THAP4: variants seen among roughly 807,000 people sequenced by gnomAD.
THAP4 encodes peroxynitrite isomerase THAP4.
In THAP4, 18 loss-of-function variants were observed where a neutral mutation model predicts 48.1. The observed-to-expected ratio is 0.37, with a 90% CI of 0.26 to 0.56. The LOEUF (loss-of-function observed/expected upper bound fraction) is 0.56, where lower values mean the gene tolerates loss of function less well. Ranked by LOEUF, THAP4 falls within the 20% of genes least tolerant of loss-of-function variation. The pLI is 0.78. For synonymous variants in THAP4, 345 were observed against 324.9 expected, an observed-to-expected ratio of 1.06 and a Z score of -0.66; for missense variants, 656 against 774.9, an observed-to-expected ratio of 0.85 and a Z score of 1.82.
At chr2:241,597,244 C>T (rs1295627632) in intron 5 of THAP4, among the ~76,000 whole-genome samples, 1 of 152,182 alleles carries the variant, frequency 6.6e-6, no homozygotes, top group African/African-American at 2.4e-5. Flanking sequence ...AGCGATTCTC[C>T]TGCTTCAGGC....
At chr2:241,605,573 G>T (rs1339039918) in intron 3 of THAP4, among the ~76,000 whole-genome samples, 1 of 152,090 alleles carries the variant, frequency 6.6e-6, no homozygotes, top group Non-Finnish European at 1.5e-5. Context: ...GGATACTGAG[G>T]GACCTCAAGG....
In THAP4 at chr2:241,601,669, C is replaced by A; in HGVS notation, c.1614+227G>T. On this transcript the variant is annotated intron_variant, in intron 5 of 5. Coordinates refer to ENST00000407315, the MANE Select transcript of THAP4 (RefSeq NM_015963.6). The surrounding 1 kb of genome is among the most constrained non-coding windows in gnomAD (Gnocchi z 4.0). Reference sequence around the variant, plus strand: ...AATGCAAAAGGATGTTTGTGACAAACAACAAACCTCAAAAAAACCACACCA... The same window carrying A: ...AATGCAAAAGGATGTTTGTGACAAAAAACAAACCTCAAAAAAACCACACCA... 1 of 695,000 alleles carries A rather than the reference C, an allele frequency of 1.4e-6. No homozygotes were observed. Among genetic ancestry groups the A allele is most frequent in the South Asian group, 2.2e-5 (1 of 44,752 alleles). 43.1% of individuals were successfully genotyped at this position (695,000 alleles called of 1,614,324 possible).
At chr2:241,604,261 A>ATTTT (rs2067152779) in intron 3 of THAP4, among the ~76,000 whole-genome samples, 1 of 149,922 alleles carries the variant, frequency 6.7e-6, no homozygotes, top group African/African-American at 2.5e-5. Flanking sequence ...TTATTTATTT[A>ATTTT]TTTTTTGAGA....
chr2:241,592,094 G>A (rs1178087483), intron 5 of THAP4: 2 of 152,244 alleles, frequency 1.3e-5, no homozygotes, highest in Non-Finnish European at 2.9e-5. Context: ...GACGTGAAAA[G>A]ATGCTCAAGC....
chr2:241,624,847 G>C (rs970571002), intron 2 of THAP4, among the ~76,000 whole-genome samples: 3 of 152,178 alleles, frequency 2.0e-5, no homozygotes, highest in African/African-American at 4.8e-5. Flanking sequence ...GGGATTAGGA[G>C]CTCTGTATGA....
chr2:241,627,841 C>T (rs568166733), intron 2 of THAP4, among the ~76,000 whole-genome samples: 14 of 152,302 alleles, frequency 9.2e-5, no homozygotes, highest in Non-Finnish European at 2.9e-5. Flanking sequence ...GTGGCCTGGC[C>T]TCACCTTTGG....
rs1472826188 is a variant in THAP4, at chr2:241,584,735, A to G, written c.1615-10T>C. 21 of 1,614,066 alleles carry G rather than the reference A, an allele frequency of 1.3e-5. No homozygotes were observed. Among genetic ancestry groups the G allele is most frequent in the Non-Finnish European group, 1.7e-5 (20 of 1,180,034 alleles). On this transcript the variant is annotated splice_polypyrimidine_tract_variant and intron_variant, in intron 5 of 5. Transcript: ENST00000407315. ...TGAACTTCCGGGTGATCTGAGCAGGAGAATGGAACAAAGATAGCTTAGTTT... is the reference window on the plus strand; with the variant it reads ...TGAACTTCCGGGTGATCTGAGCAGGGGAATGGAACAAAGATAGCTTAGTTT...
chr2:241,636,868 G>C (rs1006015608), intron 1 of THAP4, 73 bp downstream of exon 1: 32 of 906,910 alleles, frequency 3.5e-5, no homozygotes, highest in Non-Finnish European at 4.1e-5. Context: ...CCGCGTTCGG[G>C]CCGGCCGCGG....
rs561640352 is a variant in THAP4 at position 241,592,930 on chromosome 2, C to T, written c.1615-8205G>A. On this transcript the variant is annotated intron_variant, in intron 5 of 5. Transcript: ENST00000407315. ...CTCACACTACAGAGAAACAATAATC[C>T]CAAATACCATGCATCTTAAAAGGAA... Among the ~76,000 whole-genome samples, 6 of 152,254 alleles carry T rather than the reference C, an allele frequency of 3.9e-5. No homozygotes were observed. The South Asian group carries it at 1.2e-3, about 32-fold the overall frequency.
intron 2 of THAP4, chr2:241,617,595 AAAGAC>A: frequency 1.2e-6 from 1 of 839,986 alleles, no homozygotes; most frequent in South Asian, 1.7e-5. Flanking sequence ...GAAGAAAGTA[AAAGAC>A]AATGACAGCC....
intron 4 of THAP4, 156 bp from the exon 5 acceptor site, chr2:241,602,155 G>A: frequency 1.5e-6 from 1 of 687,642 alleles, no homozygotes; most frequent in Non-Finnish European, 2.4e-6. Context: ...TTCACCCTGT[G>A]GATACGGAGG....
intron 2 of THAP4, among the ~76,000 whole-genome samples, chr2:241,618,398 C>G (rs911326267): frequency 7.2e-5 from 11 of 152,206 alleles, no homozygotes; most frequent in African/African-American, 2.2e-4. Context: ...CTATTAGAAT[C>G]TACAAGTGAA....
In THAP4 at chr2:241,633,197, G is replaced by A. The variant is rs1320974766; in HGVS notation, c.960C>T (p.His320=). Residue 320 remains histidine, a synonymous_variant, in exon 2 of 6, where the codon CAC becomes CAT. Transcript: ENST00000407315. The surrounding 1 kb of genome is among the most constrained non-coding windows in gnomAD (Gnocchi z 7.5). ...TGATGGACATGGGGCTGGCGTCGCT[G>A]TGCTCGCTCTGCACGGCTTCCGTGG... is the stretch of plus-strand genomic sequence containing the variant. ...KPATEAVQSE[H]SDASPMSINE... The A allele has an allele frequency of 1.9e-6, 3 of 1,609,130 alleles. No homozygotes were observed. Among genetic ancestry groups the A allele is most frequent in the Non-Finnish European group, 2.5e-6 (3 of 1,177,068 alleles).
intron 2 of THAP4, among the ~76,000 whole-genome samples, chr2:241,607,811 TC>T (rs2067203463): frequency 8.2e-6 from 1 of 121,854 alleles, no homozygotes. Context: ...CAGTGTCTCC[TC>T]CAGGCCCGCG....
At chr2:241,614,782 G>C (rs1004394900) in intron 2 of THAP4, among the ~76,000 whole-genome samples, 2 of 152,074 alleles carry the variant, frequency 1.3e-5, no homozygotes, top group African/African-American at 4.8e-5. Context: ...TCAGCTACTC[G>C]GGAGGCTGAG....
intron 2 of THAP4, among the ~76,000 whole-genome samples, chr2:241,617,682 G>C (rs1031940240): frequency 6.6e-6 from 1 of 152,198 alleles, no homozygotes; most frequent in African/African-American, 2.4e-5. Context: ...GGACTGGCCA[G>C]AGGTCTGGGC....
At chr2:241,632,000 C>G (rs1280753348) in intron 2 of THAP4, among the ~76,000 whole-genome samples, 2 of 151,966 alleles carry the variant, frequency 1.3e-5, no homozygotes, top group East Asian at 3.9e-4. Context: ...CTCCGCCTCC[C>G]AGGTTCAAGC....
At position 241,612,777 on chromosome 2, in the gene THAP4, G is replaced by A. The variant is rs973697777; in HGVS notation, c.1241-6304C>T. ...ACAGCTGCGTTCTGTGGCAGAAGACGCTAGAGTCACACGTAGAAGGCGCAT... is the reference window on the plus strand; with the variant it reads ...ACAGCTGCGTTCTGTGGCAGAAGACACTAGAGTCACACGTAGAAGGCGCAT... On this transcript the variant is annotated intron_variant, in intron 2 of 5. Coordinates refer to ENST00000407315, the MANE Select transcript of THAP4 (RefSeq NM_015963.6). The surrounding 1 kb of genome is among the most constrained non-coding windows in gnomAD (Gnocchi z 4.1). Among the ~76,000 whole-genome samples, 16 of 152,192 alleles carry A rather than the reference G, an allele frequency of 1.1e-4. No individual in the cohort carries two copies. Among genetic ancestry groups the A allele is most frequent in the African/African-American group, 2.2e-4 (9 of 41,452 alleles).
chr2:241,589,226 A>AAAAAAG (rs1553553655), intron 5 of THAP4, among the ~76,000 whole-genome samples: 8 of 148,454 alleles, frequency 5.4e-5, no homozygotes, highest in African/African-American at 7.7e-5. Flanking sequence ...AAAAAAAAAG[A>AAAAAAG]AAAAGAAAAG....
Sources: allele counts gnomAD v4.1 joint callset (sites outside exome capture counted in the v4.1 genomes callset), GRCh38; gene constraint gnomAD v4.1.1; non-coding constraint Gnocchi (gnomAD v3.1); transcripts MANE v1.5; gene names NCBI Gene and HGNC (gene_info 2026-07-23, HGNC 2026-07-21).